The following ANKRD11 variants were observed in gnomAD, a reference collection of about 807,000 sequenced individuals.
ANKRD11 encodes the protein ankyrin repeat domain-containing protein 11.
Under a neutral mutation model 195.7 loss-of-function variants are expected in ANKRD11, and 17 were observed. That is an observed-to-expected ratio of 0.09 (90% confidence interval 0.06 to 0.13). ANKRD11 has a LOEUF of 0.13. ANKRD11 is among the 10% of genes least tolerant of loss of function. The probability of loss-of-function intolerance (pLI) is 1.00; values close to 1 mark genes in which losing one functional copy is unlikely to be tolerated. For synonymous variants in ANKRD11, 1,953 were observed against 1,528.1 expected (o/e 1.28, Z -6.49); for missense variants, 3,735 against 3,566.1 (o/e 1.05, Z -1.21).
chr16:89,357,308 C>T lies in ANKRD11; in HGVS notation c.-59-40230G>A, dbSNP rs1383084310. ...GAAGGAAGGGCAGTCAGGGACTGTG[C>T]TCACCACGTGTCCCGGGGACAGGAC... On this transcript the variant is annotated intron_variant, in intron 2 of 12. Transcript: ENST00000301030. Among the ~76,000 whole-genome samples, 6 of 152,182 alleles carry T rather than the reference C, an allele frequency of 3.9e-5. No homozygotes were observed. The East Asian group carries it at 1.2e-3, about 29-fold the overall frequency.
chr16:89,423,318 A>C (rs1024761779), intron 1 of ANKRD11, among the ~76,000 whole-genome samples: 1 of 152,248 alleles, frequency 6.6e-6, no homozygotes, highest in Non-Finnish European at 1.5e-5. Flanking sequence ...TGCCCCCGAC[A>C]CTGGCTGACT....
chr16:89,418,507 G>A (rs2042389000), intron 1 of ANKRD11, 139 bp from the exon 2 acceptor site: 2 of 274,860 alleles, frequency 7.3e-6, no homozygotes, highest in Non-Finnish European at 1.5e-5. Context: ...CTCAGCTCCT[G>A]GTCACTGTGC....
At chr16:89,364,918 T>C (rs2039883840) in intron 2 of ANKRD11, among the ~76,000 whole-genome samples, 1 of 152,256 alleles carries the variant, frequency 6.6e-6, no homozygotes, top group Non-Finnish European at 1.5e-5. Flanking sequence ...GCTGAATACC[T>C]GTGAGATCAT....
At chr16:89,273,709 A>G (rs1478228121) in intron 11 of ANKRD11, among the ~76,000 whole-genome samples, 1 of 152,024 alleles carries the variant, frequency 6.6e-6, no homozygotes, top group Non-Finnish European at 1.5e-5. Context: ...AAAAAAAAGG[A>G]AAATAAAATT....
At chr16:89,440,598 G>C (rs1046658926) in intron 1 of ANKRD11, among the ~76,000 whole-genome samples, 6 of 152,064 alleles carry the variant, frequency 3.9e-5, no homozygotes, top group Non-Finnish European at 7.4e-5. Context: ...TGGATGACAC[G>C]ACAAAACTCT....
At chr16:89,383,786 A>G (rs961500211) in intron 2 of ANKRD11, among the ~76,000 whole-genome samples, 1 of 152,188 alleles carries the variant, frequency 6.6e-6, no homozygotes, top group Non-Finnish European at 1.5e-5. Context: ...CCCAATGCCA[A>G]GAGCCCAATC....
intron 11 of ANKRD11, 39 bp from the exon 12 acceptor site, chr16:89,270,948 A>G (rs1395860836): frequency 1.2e-6 from 2 of 1,602,762 alleles, no homozygotes; most frequent in Non-Finnish European, 1.7e-6. Flanking sequence ...CAGGAGCCCC[A>G]GAGACCGCTA....
intron 2 of ANKRD11, chr16:89,360,666 G>C (rs1243649632): frequency 2.0e-5 from 3 of 152,132 alleles, no homozygotes; most frequent in Non-Finnish European, 4.4e-5. Flanking sequence ...CTAGAACGTC[G>C]ATGGTCAACA....
chr16:89,274,301 T>C (rs1397339879), intron 11 of ANKRD11, among the ~76,000 whole-genome samples: 3 of 152,160 alleles, frequency 2.0e-5, no homozygotes, highest in East Asian at 3.9e-4. Context: ...TCTGGAACCC[T>C]GAGTCCGGCC....
chr16:89,364,726 G>A (rs75984690), intron 2 of ANKRD11, among the ~76,000 whole-genome samples: 5 of 152,262 alleles, frequency 3.3e-5, no homozygotes, highest in African/African-American at 7.2e-5. Flanking sequence ...CATGGGCCGC[G>A]GGCTGGACAA....
At chr16:89,470,086 T>G (rs1018505123) in intron 1 of ANKRD11, among the ~76,000 whole-genome samples, 1 of 151,522 alleles carries the variant, frequency 6.6e-6, no homozygotes, top group African/African-American at 2.4e-5. Context: ...TTTTGTATTT[T>G]TAGTAGAGAC....
At chr16:89,300,713 G>A (rs967550212) in intron 4 of ANKRD11, 3 of 539,654 alleles carry the variant, frequency 5.6e-6, no homozygotes, top group Non-Finnish European at 6.6e-6. Context: ...ATGACGTCAG[G>A]AAAAGACTGA....
chr16:89,321,386 G>A (rs1024892012), intron 2 of ANKRD11, among the ~76,000 whole-genome samples: 1 of 151,684 alleles, frequency 6.6e-6, no homozygotes, highest in African/African-American at 2.4e-5. Context: ...GGCAGGACTG[G>A]GGCTGCAGGG....
chr16:89,483,583 C>T (rs2057511879), intron 1 of ANKRD11, among the ~76,000 whole-genome samples: 1 of 152,192 alleles, frequency 6.6e-6, no homozygotes, highest in African/African-American at 2.4e-5. Context: ...AATCCCAGCC[C>T]TTTGGGAGGC....
At chr16:89,461,464 CCT>C (rs1458252270) in intron 1 of ANKRD11, among the ~76,000 whole-genome samples, 1 of 152,110 alleles carries the variant, frequency 6.6e-6, no homozygotes, top group African/African-American at 2.4e-5. Context: ...CCCTCAGCCT[CCT>C]GAGGAGCTGG....
In ANKRD11 at chr16:89,279,037, G is replaced by A. The variant is rs758590792; in HGVS notation, c.7470+35C>T. 1 of 1,612,412 alleles carries A rather than the reference G, an allele frequency of 6.2e-7. No individual in the cohort carries two copies. Among genetic ancestry groups the A allele is most frequent in the East Asian group, 2.2e-5 (1 of 44,798 alleles). On this transcript the variant is annotated intron_variant, in intron 9 of 12. Coordinates refer to ENST00000301030, the MANE Select transcript of ANKRD11 (RefSeq NM_013275.6). The surrounding 1 kb of genome is among the most constrained non-coding windows in gnomAD (Gnocchi z 5.6). ...AGGGGCCCCAGACGCATCCCAGAGA[G>A]AGAAGGCAGTGGCTCTCCCGGGCCC...
intron 2 of ANKRD11, among the ~76,000 whole-genome samples, chr16:89,390,950 T>C (rs1323838703): frequency 1.3e-5 from 2 of 152,156 alleles, no homozygotes; most frequent in Non-Finnish European, 2.9e-5. Context: ...TGCACCAGGC[T>C]GGGCGCCATG....
chr16:89,450,648 T>A (rs1252527376), intron 1 of ANKRD11, among the ~76,000 whole-genome samples: 3 of 152,128 alleles, frequency 2.0e-5, no homozygotes, highest in African/African-American at 7.2e-5. Context: ...TCCTACTTTC[T>A]CCAAATTCTC....
At chr16:89,390,270 G>A (rs374490140) in intron 2 of ANKRD11, among the ~76,000 whole-genome samples, 11 of 134,148 alleles carry the variant, frequency 8.2e-5, no homozygotes, top group African/African-American at 2.0e-4. Flanking sequence ...AGTGTGGCGG[G>A]GAGCACCGAG....
Sources: gnomAD v4.1 joint callset for allele counts (sites outside exome capture counted in the v4.1 genomes callset) on GRCh38, gnomAD v4.1.1 for gene constraint, Gnocchi (gnomAD v3.1) non-coding constraint, MANE v1.5 for transcripts, NCBI Gene and HGNC (gene_info 2026-07-23, HGNC 2026-07-21) for gene names.